Variants in PROM1 observed in about 807,000 individuals in gnomAD.
The protein encoded by PROM1 is prominin 1.
In PROM1, 105 loss-of-function variants were observed where a neutral mutation model predicts 116.9. The observed-to-expected ratio is 0.90, with a 90% CI of 0.77 to 1.06. The LOEUF (loss-of-function observed/expected upper bound fraction) is 1.06, where lower values mean the gene tolerates loss of function less well. Among genes scored for constraint, PROM1 ranks in the 50% least tolerant of loss-of-function variants. The pLI, the probability that PROM1 is intolerant of heterozygous loss-of-function variation, is 0.00. For synonymous variants in PROM1, 393 were observed against 387.0 expected, an observed-to-expected ratio of 1.02 and a Z score of -0.18; for missense variants, 1,122 against 1,045.2, an observed-to-expected ratio of 1.07 and a Z score of -1.01.
intron 26 of PROM1, among the ~76,000 whole-genome samples, chr4:15,977,548 C>T (rs1038389328): frequency 6.6e-6 from 1 of 152,166 alleles, no homozygotes. Context: ...AGCCACCAAG[C>T]CTTGCATACT....
rs140930231 is a variant in PROM1, at chr4:16,009,361, C to T, written c.1142-253G>A. ...TGAAGTCAAGCCAGTTTCCTTCTTC[C>T]ACTTACTTTACTTAAAGTAGATCAA... On this transcript the variant is annotated intron_variant, in intron 11 of 27. Coordinates refer to ENST00000447510, the MANE Select transcript of PROM1 (RefSeq NM_006017.3). Among the ~76,000 whole-genome samples, 568 of 152,300 alleles carry T rather than the reference C, an allele frequency of 3.7e-3. 3 individuals are homozygous for T. The highest frequency in any genetic ancestry group is 4.9e-3 in the Non-Finnish European group (335 of 68,030).
chr4:16,025,215 T>C lies in PROM1; in HGVS notation c.607A>G (p.Thr203Ala). The C allele has an allele frequency of 1.2e-6, 2 of 1,613,870 alleles. No homozygotes were observed. Among genetic ancestry groups the C allele is most frequent in the Non-Finnish European group, 1.7e-6 (2 of 1,179,798 alleles). Reference protein sequence around the residue: ...LADSNFKDLRTLLNETPEQIK... With the variant: ...LADSNFKDLRALLNETPEQIK... ...ACCTCTGGAGTTTCATTCAAGAGAG[T>C]TCGCAAGTCCTTGAAATTGCTATCT... The change falls in exon 6 of 28, where the codon ACT (threonine) becomes GCT (alanine). Residue 203 changes from threonine (T) to alanine (A), a missense_variant. Transcript: ENST00000447510.
Position 15,989,795 on chromosome 4 carries a change from T to C in PROM1, c.2013A>G (p.Lys671=). 6.2e-7 allele frequency: 1 copy of C among 1,608,484 alleles called. No individual in the cohort carries two copies. Among genetic ancestry groups the C allele is most frequent in the South Asian group, 1.1e-5 (1 of 89,850 alleles). Residue 671 remains lysine (K), a synonymous_variant, in exon 19 of 28, where the codon AAA becomes AAG. Coordinates refer to ENST00000447510, the MANE Select transcript of PROM1 (RefSeq NM_006017.3). ...LPPGNLRNSL[K]RDAQTIKTIH... Reference sequence around the variant, plus strand: ...TTGTTTTAATAGTTTGTGCATCTCTTTTCAGGGAGTTCCTCAAATTTCCTG... The same window carrying C: ...TTGTTTTAATAGTTTGTGCATCTCTCTTCAGGGAGTTCCTCAAATTTCCTG...
intron 3 of PROM1, among the ~76,000 whole-genome samples, chr4:16,036,442 C>A (rs997211742): frequency 6.6e-6 from 1 of 152,136 alleles, no homozygotes; most frequent in Non-Finnish European, 1.5e-5. Flanking sequence ...AATACTGGGA[C>A]TGGGGGGCAG....
intron 2 of PROM1, among the ~76,000 whole-genome samples, chr4:16,069,106 A>G (rs540192911): frequency 6.6e-6 from 1 of 152,262 alleles, no homozygotes; most frequent in Admixed American, 6.5e-5. Flanking sequence ...ATGGTGGCGC[A>G]TGACTGTTAT....
chr4:15,983,233 T>C (rs946101948), intron 23 of PROM1, among the ~76,000 whole-genome samples: 1 of 152,140 alleles, frequency 6.6e-6, no homozygotes, highest in African/African-American at 2.4e-5. Flanking sequence ...AAAAGACATG[T>C]TTGAGCTAAG....
chr4:16,046,955 T>C (rs1178728359), intron 2 of PROM1, among the ~76,000 whole-genome samples: 2 of 152,344 alleles, frequency 1.3e-5, no homozygotes, highest in African/African-American at 2.4e-5. Flanking sequence ...TAACTGCCTG[T>C]GTCTGTCATG....
chr4:16,031,290 G>A (rs1345247902), intron 5 of PROM1, among the ~76,000 whole-genome samples: 3 of 152,026 alleles, frequency 2.0e-5, no homozygotes, highest in Non-Finnish European at 4.4e-5. Flanking sequence ...TGTATGGAGC[G>A]GGTAAACATG....
In PROM1 at chr4:15,998,489, C is replaced by T; in HGVS notation, c.1579-1G>A. 1.3e-6 allele frequency: 2 copies of T among 1,596,988 alleles called. No homozygotes were observed. The highest frequency in any genetic ancestry group is 1.7e-6 in the Non-Finnish European group (2 of 1,173,978). ...TTAGTAAGTAGGGTGTATCCAAAAC[C>T]TAGAACACATTAGGAAGTATTTTCG... On this transcript the variant is annotated splice_acceptor_variant, in intron 14 of 27. Transcript: ENST00000447510. LOFTEE classifies it high-confidence loss of function.
In PROM1 at chr4:16,045,090, C is replaced by CAT. The variant is rs1178819244; in HGVS notation, c.221-6090_221-6089insAT. Among the ~76,000 whole-genome samples, 481 of 152,270 alleles carry CAT rather than the reference C, an allele frequency of 3.2e-3. 4 individuals carry two copies. The highest frequency in any genetic ancestry group is 0.011 in the African/African-American group (450 of 41,550). On this transcript the variant is annotated intron_variant, in intron 2 of 27. Transcript: ENST00000447510. ...CCACGGCCTTCAACACTCCACTCTTCCCTGCCGGCCCTCAGCAAGTGGCAC... is the reference window on the plus strand; with the variant it reads ...CCACGGCCTTCAACACTCCACTCTTCATCCTGCCGGCCCTCAGCAAGTGGCAC...
intron 5 of PROM1, 120 bp downstream of exon 5, chr4:16,033,183 TG>T: frequency 1.2e-6 from 1 of 822,914 alleles, no homozygotes; most frequent in Non-Finnish European, 1.9e-6. Context: ...TTCTGTTTGG[TG>T]GGTTTTTTTT....
At chr4:15,977,477 G>T (rs1260177360) in intron 26 of PROM1, among the ~76,000 whole-genome samples, 1 of 152,154 alleles carries the variant, frequency 6.6e-6, no homozygotes, top group African/African-American at 2.4e-5. Context: ...ACTCTCCCCA[G>T]AGCACACCTG....
In PROM1 at chr4:16,073,165, G is replaced by A. The variant is rs570198779; in HGVS notation, c.220+2522C>T. Among the ~76,000 whole-genome samples, 26 of 152,264 alleles carry A rather than the reference G, an allele frequency of 1.7e-4. 1 individual carries two copies. In the East Asian group the frequency reaches 4.8e-3, roughly 28 times the overall value. On this transcript the variant is annotated intron_variant, in intron 2 of 27. Coordinates refer to ENST00000447510, the MANE Select transcript of PROM1 (RefSeq NM_006017.3). ...GCTGTATCTGGCCAGCAGGCACGAAGAGCCCACTGGCCAGTTGCACGCTTT... is the reference window on the plus strand; with the variant it reads ...GCTGTATCTGGCCAGCAGGCACGAAAAGCCCACTGGCCAGTTGCACGCTTT...
Position 15,992,396 on chromosome 4 carries a change from G to C in PROM1, c.1768-5C>G, listed in dbSNP as rs55708318. 3.7e-6 allele frequency: 6 copies of C among 1,606,800 alleles called. No homozygotes were observed. The highest frequency in any genetic ancestry group is 5.1e-6 in the Non-Finnish European group (6 of 1,177,156). ...ACTGCTTATGCTTCCAGTATGCTGC[G>C]AAAAAAGGAAGTTACAAATCAGTCC... On this transcript the variant is annotated splice_polypyrimidine_tract_variant and splice_region_variant and intron_variant, in intron 16 of 27. Transcript: ENST00000447510.
intron 1 of PROM1, chr4:16,083,762 C>T (rs1166892741): frequency 2.0e-5 from 3 of 152,192 alleles, no homozygotes; most frequent in African/African-American, 7.2e-5. Context: ...ATTTATGACC[C>T]GGCTTCTGGG....
chr4:16,056,123 G>A (rs186530785), intron 2 of PROM1, among the ~76,000 whole-genome samples: 10 of 152,280 alleles, frequency 6.6e-5, no homozygotes, highest in East Asian at 3.9e-4. Context: ...TCAGGAGTAC[G>A]AGCATCCTCG....
At chr4:16,030,091 C>G (rs1380351809) in intron 5 of PROM1, among the ~76,000 whole-genome samples, 1 of 152,150 alleles carries the variant, frequency 6.6e-6, no homozygotes, top group African/African-American at 2.4e-5. Flanking sequence ...TCCTGCCTAG[C>G]TTGGATTACT....
intron 2 of PROM1, among the ~76,000 whole-genome samples, chr4:16,066,613 G>C (rs1741591135): frequency 6.6e-6 from 1 of 152,088 alleles, no homozygotes; most frequent in Admixed American, 6.6e-5. Flanking sequence ...AAGTCATCCT[G>C]CTCTAGGCTC....
chr4:15,980,712 T>A (rs1717646080), intron 23 of PROM1, among the ~76,000 whole-genome samples, 175 bp from the exon 24 acceptor site: 1 of 151,670 alleles, frequency 6.6e-6, no homozygotes, highest in South Asian at 2.1e-4. Context: ...TGTGAAGTGC[T>A]ACGCACATTG....
Sources: allele counts gnomAD v4.1 joint callset (sites outside exome capture counted in the v4.1 genomes callset), GRCh38; gene constraint gnomAD v4.1.1; transcripts MANE v1.5; gene names NCBI Gene and HGNC (gene_info 2026-07-23, HGNC 2026-07-21).